KRAS: variants seen among roughly 807,000 people sequenced by gnomAD.
KRAS encodes GTPase KRas.
Under a neutral mutation model 21.0 loss-of-function variants are expected in KRAS, and 1 was observed. That is an observed-to-expected ratio of 0.05 (90% confidence interval 0.02 to 0.23). The LOEUF is 0.23. Ranked by LOEUF, KRAS falls within the 10% of genes least tolerant of loss-of-function variation. The probability of loss-of-function intolerance (pLI) is 1.00; values close to 1 mark genes in which losing one functional copy is unlikely to be tolerated. For missense variants in KRAS, 107 were observed against 221.8 expected (o/e 0.48, Z 3.29); for synonymous variants, 67 against 72.5 (o/e 0.92, Z 0.39).
chr12:25,237,476 G>A (rs777443880), intron 2 of KRAS, among the ~76,000 whole-genome samples: 6 of 152,018 alleles, frequency 3.9e-5, no homozygotes, highest in African/African-American at 9.7e-5. Flanking sequence ...TATTGGGCAT[G>A]TTGAATTCCC....
chr12:25,213,831 AT>A (rs1383100322), intron 4 of KRAS, among the ~76,000 whole-genome samples: 1 of 152,230 alleles, frequency 6.6e-6, no homozygotes, highest in Non-Finnish European at 1.5e-5. Flanking sequence ...CTAGTGAAGT[AT>A]TTTCTGAGCA....
chr12:25,233,129 C>G (rs7309862), intron 2 of KRAS, among the ~76,000 whole-genome samples: 3 of 151,950 alleles, frequency 2.0e-5, no homozygotes, highest in South Asian at 4.1e-4. Context: ...ACCACCACCA[C>G]CACCATCCCC....
Position 25,209,099 on chromosome 12 carries a change from G to A in KRAS, c.*696C>T. 2.1e-6 allele frequency: 1 copy of A among 472,052 alleles called. No individual in the cohort carries two copies. The highest frequency in any genetic ancestry group is 3.7e-6 in the Non-Finnish European group (1 of 269,422). The allele number at this position is 472,052 out of a possible 1,614,324, so 29.2% of individuals were successfully genotyped here. On this transcript the variant is annotated 3_prime_UTR_variant, in exon 5 of 5. Coordinates refer to ENST00000311936, the MANE Select transcript of KRAS (RefSeq NM_004985.5). ...TCTGCCTTAACAGGAAAAGCTATTA[G>A]GAGTCTTTATAGTAATTTATCTAAT...
At chr12:25,213,399 GTTATT>G (rs1565879988) in intron 4 of KRAS, among the ~76,000 whole-genome samples, 1 of 152,164 alleles carries the variant, frequency 6.6e-6, no homozygotes, top group Non-Finnish European at 1.5e-5. Context: ...TCATGGTACT[GTTATT>G]TAAAATGTGT....
At chr12:25,214,733 A>C (rs1951235218) in intron 4 of KRAS, among the ~76,000 whole-genome samples, 1 of 152,194 alleles carries the variant, frequency 6.6e-6, no homozygotes, top group Non-Finnish European at 1.5e-5. Context: ...TTCACAATGA[A>C]TGATGGCAGC....
chr12:25,244,681 T>G (rs2135804892), intron 2 of KRAS, among the ~76,000 whole-genome samples: 1 of 152,082 alleles, frequency 6.6e-6, no homozygotes, highest in African/African-American at 2.4e-5. Flanking sequence ...CTCAAGGAAT[T>G]TTTTTTTAAA....
chr12:25,229,941 G>T (rs1951444360), intron 2 of KRAS, among the ~76,000 whole-genome samples: 1 of 151,758 alleles, frequency 6.6e-6, no homozygotes, highest in Admixed American at 6.6e-5. Flanking sequence ...GCTAATTTTT[G>T]TACTGTTTTT....
At chr12:25,236,254 G>T (rs1351805763) in intron 2 of KRAS, among the ~76,000 whole-genome samples, 2 of 152,142 alleles carry the variant, frequency 1.3e-5, no homozygotes, top group Non-Finnish European at 2.9e-5. Flanking sequence ...TTTAAAATAG[G>T]AAGGGAGATC....
rs2141480986 is a variant in KRAS at position 25,209,374 on chromosome 12, C to A, written c.*421G>T. On this transcript the variant is annotated 3_prime_UTR_variant, in exon 5 of 5. Transcript: ENST00000311936. Reference sequence around the variant, plus strand: ...TGTTCCCTCAATGTTTCAGTAAAAACCAATTAGAAGGTCTCAACTGAAATT... The same window carrying A: ...TGTTCCCTCAATGTTTCAGTAAAAAACAATTAGAAGGTCTCAACTGAAATT... 3 of 683,622 alleles carry A rather than the reference C, an allele frequency of 4.4e-6. No homozygotes were observed. Among genetic ancestry groups the A allele is most frequent in the East Asian group, 6.0e-5 (2 of 33,602 alleles). 42.3% of individuals were successfully genotyped at this position (683,622 alleles called of 1,614,324 possible).
intron 1 of KRAS, among the ~76,000 whole-genome samples, chr12:25,247,308 T>C (rs1417383648): frequency 6.6e-6 from 1 of 152,214 alleles, no homozygotes; most frequent in Non-Finnish European, 1.5e-5. Context: ...GTTTCCCAAA[T>C]GATAACATAC....
chr12:25,233,356 G>C (rs527326469), intron 2 of KRAS, among the ~76,000 whole-genome samples: 31 of 152,102 alleles, frequency 2.0e-4, no homozygotes, highest in Non-Finnish European at 4.1e-4. Flanking sequence ...TTCAAGACCA[G>C]CCTGGCCAAC....
intron 4 of KRAS, among the ~76,000 whole-genome samples, chr12:25,217,423 G>A (rs1218439325): frequency 3.3e-5 from 5 of 152,052 alleles, no homozygotes; most frequent in Non-Finnish European, 5.9e-5. Context: ...TTTAAGTAAC[G>A]TGATTATATG....
At chr12:25,210,969 TATAA>T (rs1951195433) in intron 4 of KRAS, 1 of 151,984 alleles carries the variant, frequency 6.6e-6, no homozygotes, top group African/African-American at 2.4e-5. Flanking sequence ...AAAAGAAAAA[TATAA>T]ATAAAAGCAA....
intron 2 of KRAS, among the ~76,000 whole-genome samples, chr12:25,230,883 G>A (rs1951458787): frequency 6.6e-6 from 1 of 152,030 alleles, no homozygotes; most frequent in Non-Finnish European, 1.5e-5. Flanking sequence ...GCATTCAGTT[G>A]ACATTTACTT....
chr12:25,215,497 T>A (rs772985440), intron 4 of KRAS: 1 of 1,612,126 alleles, frequency 6.2e-7, no homozygotes, highest in South Asian at 1.1e-5. Flanking sequence ...TCTTCTTTGC[T>A]GATTTTTTTC....
chr12:25,225,286 TTATATATATATATATATATATATATA>T (rs68164603), intron 4 of KRAS: 726 of 10,612 alleles, frequency 0.068, 29 homozygotes, highest in South Asian at 0.16. Context: ...GCCCTGTTCT[TTATATATATATATATATATATATATA>T]TATATATATA....
At chr12:25,211,773 C>G (rs1278295166) in intron 4 of KRAS, among the ~76,000 whole-genome samples, 1 of 152,144 alleles carries the variant, frequency 6.6e-6, no homozygotes, top group Non-Finnish European at 1.5e-5. Flanking sequence ...GAATAAGAGG[C>G]TAGTCCACAT....
chr12:25,209,248 G>T lies in KRAS; in HGVS notation c.*547C>A. 1 of 683,558 alleles carries T rather than the reference G, an allele frequency of 1.5e-6. No homozygotes were observed. The highest frequency in any genetic ancestry group is 2.7e-5 in the East Asian group (1 of 36,518). The allele number at this position is 683,558 out of a possible 1,614,324, so 42.3% of individuals were successfully genotyped here. ...CCATGACTAATAGCAGTGGAAAGGA[G>T]ACAAAACCTTTGTGAACAGTGTAAC... On this transcript the variant is annotated 3_prime_UTR_variant, in exon 5 of 5. Coordinates refer to ENST00000311936, the MANE Select transcript of KRAS (RefSeq NM_004985.5).
At chr12:25,241,980 T>C (rs1197851350) in intron 2 of KRAS, among the ~76,000 whole-genome samples, 11 of 152,210 alleles carry the variant, frequency 7.2e-5, no homozygotes, top group Admixed American at 2.6e-4. Flanking sequence ...CTCTATAATC[T>C]ACATACTTCA....
Sources: gnomAD v4.1 joint callset for allele counts (sites outside exome capture counted in the v4.1 genomes callset) on GRCh38, gnomAD v4.1.1 for gene constraint, MANE v1.5 for transcripts, NCBI Gene and HGNC (gene_info 2026-07-23, HGNC 2026-07-21) for gene names.